The following RPGRIP1L variants were observed in gnomAD, a reference collection of about 807,000 sequenced individuals.
The protein encoded by RPGRIP1L is protein fantom.
In RPGRIP1L, 131 loss-of-function variants were observed where a neutral mutation model predicts 160.4. The observed-to-expected ratio is 0.82, with a 90% CI of 0.71 to 0.94. The LOEUF (loss-of-function observed/expected upper bound fraction) is 0.94. RPGRIP1L is among the 40% of genes least tolerant of loss of function. RPGRIP1L has a pLI of 0.00. For missense variants in RPGRIP1L, 1,522 were observed against 1,535.8 expected, an observed-to-expected ratio of 0.99 and a Z score of 0.15; for synonymous variants, 510 against 515.8, an observed-to-expected ratio of 0.99 and a Z score of 0.15.
intron 15 of RPGRIP1L, 44 bp from the exon 16 acceptor site, chr16:53,649,159 T>C (rs1281087890): frequency 2.0e-6 from 3 of 1,530,572 alleles, no homozygotes; most frequent in Admixed American, 1.7e-5. Context: ...GTTTCATACA[T>C]TAAAATAGAT....
intron 10 of RPGRIP1L, among the ~76,000 whole-genome samples, chr16:53,660,370 C>A (rs1026445102): frequency 6.6e-6 from 1 of 152,084 alleles, no homozygotes; most frequent in African/African-American, 2.4e-5. Context: ...GCCAAGAATT[C>A]TTTGCACAAA....
chr16:53,658,909 GT>G, intron 10 of RPGRIP1L, 31 bp from the exon 11 acceptor site: 1 of 1,391,684 alleles, frequency 7.2e-7, no homozygotes, highest in Non-Finnish European at 1.0e-6. Flanking sequence ...AATTGGAAAG[GT>G]AAGTAAAAAT....
chr16:53,686,151 T>C (rs1467688988), intron 6 of RPGRIP1L, among the ~76,000 whole-genome samples: 2 of 152,214 alleles, frequency 1.3e-5, no homozygotes, highest in African/African-American at 2.4e-5. Flanking sequence ...GTATCAGAAC[T>C]TCCTGCAATC....
At chr16:53,651,908 C>T (rs1966857769) in intron 15 of RPGRIP1L, among the ~76,000 whole-genome samples, 1 of 151,514 alleles carries the variant, frequency 6.6e-6, no homozygotes, top group African/African-American at 2.4e-5. Flanking sequence ...AACTATTAAA[C>T]CATAAATAAT....
intron 6 of RPGRIP1L, among the ~76,000 whole-genome samples, chr16:53,678,576 T>A (rs1369649057): frequency 2.0e-5 from 3 of 152,136 alleles, no homozygotes; most frequent in Non-Finnish European, 4.4e-5. Context: ...TGCCAACATT[T>A]CATTCCTTGC....
intron 10 of RPGRIP1L, 114 bp downstream of exon 10, chr16:53,664,756 T>C (rs1446144412): frequency 4.4e-5 from 52 of 1,168,546 alleles, no homozygotes; most frequent in Non-Finnish European, 2.3e-5. Flanking sequence ...TGTCTGTCCC[T>C]CATACATTGC....
chr16:53,654,067 G>A (rs777511500), intron 14 of RPGRIP1L, among the ~76,000 whole-genome samples: 2 of 152,082 alleles, frequency 1.3e-5, no homozygotes, highest in Non-Finnish European at 2.9e-5. Flanking sequence ...AGGTTCAAAC[G>A]ATTCTCCTGA....
intron 10 of RPGRIP1L, 59 bp downstream of exon 10, chr16:53,664,811 T>C (rs1968096120): frequency 6.3e-7 from 1 of 1,576,770 alleles, no homozygotes; most frequent in Non-Finnish European, 8.6e-7. Flanking sequence ...TACTGACTGA[T>C]TCAATGAAGA....
chr16:53,637,566 T>C, intron 21 of RPGRIP1L, 129 bp downstream of exon 21: 1 of 806,380 alleles, frequency 1.2e-6, no homozygotes, highest in South Asian at 1.6e-5. Context: ...ATTCTATCAT[T>C]TCTGTCAAGA....
At chr16:53,628,668 G>GT (rs1291582255) in intron 22 of RPGRIP1L, 1 of 152,110 alleles carries the variant, frequency 6.6e-6, no homozygotes, top group Non-Finnish European at 1.5e-5. Context: ...AGGTAATAAG[G>GT]TTTTTAACAA....
intron 2 of RPGRIP1L, among the ~76,000 whole-genome samples, chr16:53,699,676 G>A (rs1326448260): frequency 2.0e-5 from 3 of 152,088 alleles, no homozygotes; most frequent in Admixed American, 6.6e-5. Flanking sequence ...AAAATTAGCC[G>A]GCATGGCGGC....
At position 53,614,423 on chromosome 16, in the gene RPGRIP1L, G is replaced by A. The variant is rs546429269; in HGVS notation, c.3617-3372C>T. 4.0e-4 allele frequency among the ~76,000 whole-genome samples: 61 copies of A among 152,284 alleles called. No homozygotes were observed. In the East Asian group the frequency reaches 0.011, roughly 27 times the overall value. On this transcript the variant is annotated intron_variant, in intron 24 of 26. Transcript: ENST00000647211. Reference sequence around the variant, plus strand: ...TTTCTGGTTCAGTAGCTCTGGGTTAGGGCCTGAGAATTTGTAATTCTAACA... The same window carrying A: ...TTTCTGGTTCAGTAGCTCTGGGTTAAGGCCTGAGAATTTGTAATTCTAACA...
At chr16:53,667,433 T>A (rs1049213244) in intron 9 of RPGRIP1L, among the ~76,000 whole-genome samples, 3 of 152,204 alleles carry the variant, frequency 2.0e-5, no homozygotes, top group Non-Finnish European at 4.4e-5. Flanking sequence ...ATACTCTAAA[T>A]CATCCATAAA....
At chr16:53,674,684 C>A (rs1311466404) in intron 7 of RPGRIP1L, among the ~76,000 whole-genome samples, 1 of 151,998 alleles carries the variant, frequency 6.6e-6, no homozygotes. Flanking sequence ...TATGGCAAAA[C>A]TTCAGTGCTA....
Position 53,605,489 on chromosome 16 carries a change from T to C in RPGRIP1L, c.3827A>G (p.Asn1276Ser), listed in dbSNP as rs1963622750. 3.7e-6 allele frequency: 6 copies of C among 1,614,130 alleles called. No individual in the cohort carries two copies. The highest frequency in any genetic ancestry group is 5.1e-6 in the Non-Finnish European group (6 of 1,180,016). Reference protein sequence around the residue: ...FQEGRDLIEQNIDVFDARADG... With the variant: ...FQEGRDLIEQSIDVFDARADG... ...AACACTTTCACCCATACCATCGATA[T>C]TTTGCTCAATGAGGTCCCTCCCTTC... The change falls in exon 26 of 27, where the codon AAT (asparagine) becomes AGT (serine). Residue 1276 changes from asparagine to serine, a missense_variant. Physicochemically the swap from Asn to Ser is conservative, Grantham distance 46 (BLOSUM62 1). Coordinates refer to ENST00000647211, the MANE Select transcript of RPGRIP1L (RefSeq NM_015272.5).
chr16:53,683,177 T>C (rs916830173), intron 6 of RPGRIP1L, among the ~76,000 whole-genome samples: 1 of 151,892 alleles, frequency 6.6e-6, no homozygotes, highest in Non-Finnish European at 1.5e-5. Context: ...GAATAAACTC[T>C]GAATCTGAAA....
chr16:53,648,626 G>GCACACACACACACA lies in RPGRIP1L; in HGVS notation c.2304+324_2304+337dup, dbSNP rs113624342. ...TACGTACGCGCGTGCGCGCGCGCGC[G>GCACACACACACACA]CACACACACACACACACACACACAC... is the stretch of plus-strand genomic sequence containing the variant. On this transcript the variant is annotated intron_variant, in intron 16 of 26. Transcript: ENST00000647211. 7.5e-3 allele frequency among the ~76,000 whole-genome samples: 1,076 copies of GCACACACACACACA among 144,070 alleles called. 10 individuals are homozygous for GCACACACACACACA. The highest frequency in any genetic ancestry group is 0.011 in the Non-Finnish European group (723 of 66,324). 94.5% of individuals were successfully genotyped at this position (144,070 alleles called of 152,430 possible). A position where few individuals can be genotyped will look rare whatever the true frequency, so the allele number is the denominator to read the frequency against.
At chr16:53,693,048 TTTAAG>T (rs1255842670) in intron 3 of RPGRIP1L, among the ~76,000 whole-genome samples, 81 of 152,320 alleles carry the variant, frequency 5.3e-4, no homozygotes, top group African/African-American at 1.9e-3. Context: ...CTTTGATTCT[TTTAAG>T]TTTTGATAAA....
Position 53,656,561 on chromosome 16 carries a change from A to G in RPGRIP1L, c.1610T>C (p.Met537Thr), listed in dbSNP as rs752785301. The G allele has an allele frequency of 1.9e-5, 30 of 1,613,686 alleles. No homozygotes were observed. The highest frequency in any genetic ancestry group is 2.5e-5 in the Non-Finnish European group (29 of 1,179,718). The change falls in exon 14 of 27, where the codon ATG becomes ACG. Residue 537 changes from methionine (M) to threonine (T), a missense_variant. By Grantham distance (81) the Met-to-Thr change is moderately conservative. Coordinates refer to ENST00000647211, the MANE Select transcript of RPGRIP1L (RefSeq NM_015272.5). ...QMEVEAVTRK[M>T]ENLQQDYELK... The stretch of plus-strand genomic sequence containing the variant: ...TTCATAATCTTGCTGCAAATTTTCC[A>G]TCTTACGGGTCACTGCCTCAACCTC...
Sources: gnomAD v4.1 joint callset for allele counts (sites outside exome capture counted in the v4.1 genomes callset) on GRCh38, gnomAD v4.1.1 for gene constraint, MANE v1.5 for transcripts, NCBI Gene and HGNC (gene_info 2026-07-23, HGNC 2026-07-21) for gene names.